Variants in PMP22 observed in about 807,000 individuals in gnomAD.
PMP22 encodes peripheral myelin protein 22.
In PMP22, 2 loss-of-function variants were observed where a neutral mutation model predicts 18.9. The observed-to-expected ratio is 0.11, with a 90% CI of 0.04 to 0.33. PMP22 has a LOEUF of 0.33. PMP22 is among the 10% of genes least tolerant of loss of function. The pLI, the probability that PMP22 is intolerant of heterozygous loss-of-function variation, is 1.00. For missense variants in PMP22, 169 were observed against 202.2 expected (o/e 0.84, Z 1.00); for synonymous variants, 95 against 89.2 (o/e 1.07, Z -0.37).
At position 15,239,367 on chromosome 17, in the gene PMP22, C is replaced by T. The variant is rs1341874033; in HGVS notation, c.319+104G>A. 9 of 1,307,410 alleles carry T rather than the reference C, an allele frequency of 6.9e-6. No individual in the cohort carries two copies. The South Asian group carries it at 1.1e-4, about 15-fold the overall frequency. The allele number at this position is 1,307,410 out of a possible 1,614,324, so 81.0% of individuals were successfully genotyped here. On this transcript the variant is annotated intron_variant, in intron 4 of 4. Coordinates refer to ENST00000312280, the MANE Select transcript of PMP22 (RefSeq NM_000304.4). ...ATGGAAAGCATCCAGTGGGGAGACT[C>T]ATGAACATCAGTCATTCTGAGGCCA...
chr17:15,257,342 C>G (rs7212770), intron 3 of PMP22, among the ~76,000 whole-genome samples: 14,014 of 152,252 alleles, frequency 0.092, 2,054 homozygotes, highest in African/African-American at 0.31. Context: ...TTAGCAACTC[C>G]TCTGCCGCCT....
chr17:15,257,090 A>T (rs1908900600), intron 3 of PMP22, among the ~76,000 whole-genome samples: 7 of 152,212 alleles, frequency 4.6e-5, no homozygotes. Flanking sequence ...GAAAGCAACG[A>T]GGCAGATTTG....
At chr17:15,247,039 C>T (rs1358509047) in intron 3 of PMP22, among the ~76,000 whole-genome samples, 2 of 141,906 alleles carry the variant, frequency 1.4e-5, no homozygotes, top group African/African-American at 5.4e-5. Flanking sequence ...CACTGCACTC[C>T]AGCCTGGAAA....
intron 3 of PMP22, among the ~76,000 whole-genome samples, chr17:15,247,332 G>A (rs1317991545): frequency 6.6e-6 from 1 of 152,208 alleles, no homozygotes; most frequent in Non-Finnish European, 1.5e-5. Flanking sequence ...TGGCGCCACT[G>A]CACTCCAGCC....
chr17:15,233,877 G>T (rs2150668514), intron 4 of PMP22, among the ~76,000 whole-genome samples: 1 of 152,308 alleles, frequency 6.6e-6, no homozygotes, highest in Non-Finnish European at 1.5e-5. Context: ...CATATAATAG[G>T]CTGATTAGCT....
chr17:15,239,213 T>C, intron 4 of PMP22: 1 of 610,184 alleles, frequency 1.6e-6, no homozygotes, highest in Non-Finnish European at 2.9e-6. Flanking sequence ...GGTGGGGACC[T>C]TCCTTCCAGA....
Position 15,259,039 on chromosome 17 carries a change from G to C in PMP22, c.178+55C>G, listed in dbSNP as rs1909067895. Reference sequence around the variant, plus strand: ...ATAAGCGTTTCCAGCTCTGGGCTGAGAAACGTGTTACAGGCGTCTGAGGAC... The same window carrying C: ...ATAAGCGTTTCCAGCTCTGGGCTGACAAACGTGTTACAGGCGTCTGAGGAC... On this transcript the variant is annotated intron_variant, in intron 3 of 4. Coordinates refer to ENST00000312280, the MANE Select transcript of PMP22 (RefSeq NM_000304.4). 37 of 1,294,712 alleles carry C rather than the reference G, an allele frequency of 2.9e-5. No individual in the cohort carries two copies. In the South Asian group the frequency reaches 4.0e-4, roughly 14 times the overall value. 80.2% of individuals were successfully genotyped at this position (1,294,712 alleles called of 1,614,324 possible).
At chr17:15,256,785 C>T (rs1404006920) in intron 3 of PMP22, among the ~76,000 whole-genome samples, 1 of 152,150 alleles carries the variant, frequency 6.6e-6, no homozygotes, top group East Asian at 1.9e-4. Context: ...AAAAAGTACA[C>T]ATTTTTTTCA....
At chr17:15,253,622 G>T (rs962268961) in intron 3 of PMP22, among the ~76,000 whole-genome samples, 30 of 151,934 alleles carry the variant, frequency 2.0e-4, no homozygotes, top group African/African-American at 7.3e-4. Flanking sequence ...GGGGTGGGGG[G>T]TACCTTTGAG....
At chr17:15,246,920 A>G (rs139224687) in intron 3 of PMP22, among the ~76,000 whole-genome samples, 2,698 of 151,654 alleles carry the variant, frequency 0.018, 73 homozygotes, top group African/African-American at 0.06. Context: ...AAATACAAAA[A>G]TTAGCTGGGT....
chr17:15,242,521 A>C (rs984636242), intron 3 of PMP22, among the ~76,000 whole-genome samples: 1 of 152,194 alleles, frequency 6.6e-6, no homozygotes, highest in African/African-American at 2.4e-5. Flanking sequence ...TCTATGACTG[A>C]AGAAAATAAA....
chr17:15,264,718 T>C (rs1909595354), intron 1 of PMP22, among the ~76,000 whole-genome samples: 1 of 152,120 alleles, frequency 6.6e-6, no homozygotes, highest in Non-Finnish European at 1.5e-5. Flanking sequence ...CCTGCCTGGT[T>C]CTCAATGGTG....
chr17:15,251,062 G>A (rs1407128753), intron 3 of PMP22, among the ~76,000 whole-genome samples: 1 of 152,096 alleles, frequency 6.6e-6, no homozygotes, highest in Non-Finnish European at 1.5e-5. Context: ...AGGCACCAGC[G>A]ATCCTGCTCC....
intron 4 of PMP22, among the ~76,000 whole-genome samples, chr17:15,238,999 G>A (rs6502439): frequency 0.24 from 35,968 of 152,090 alleles, 7,823 homozygotes; most frequent in African/African-American, 0.57. Context: ...TGTCAGTGTG[G>A]CTTCATCACT....
intron 3 of PMP22, among the ~76,000 whole-genome samples, chr17:15,240,169 C>T (rs1408650352): frequency 6.6e-6 from 1 of 152,198 alleles, no homozygotes; most frequent in Non-Finnish European, 1.5e-5. Context: ...GCCCTGCCTA[C>T]TACCTTCCCT....
At chr17:15,246,183 G>A (rs1907799670) in intron 3 of PMP22, among the ~76,000 whole-genome samples, 1 of 152,162 alleles carries the variant, frequency 6.6e-6, no homozygotes, top group Non-Finnish European at 1.5e-5. Context: ...GCAAATATCT[G>A]CACAGATAGC....
In PMP22 at chr17:15,258,671, C is replaced by G. The variant is rs959661041; in HGVS notation, c.178+423G>C. The G allele has an allele frequency of 1.3e-5, 4 of 297,076 alleles. No individual in the cohort carries two copies. The highest frequency in any genetic ancestry group is 2.6e-5 in the Non-Finnish European group (4 of 151,002). The allele number at this position is 297,076 out of a possible 1,614,324, so 18.4% of individuals were successfully genotyped here. Reference sequence around the variant, plus strand: ...TAACTGACGGTGCAGTGAGCTAGCCCCACTGTCACTGCAGCAGAAAGGGGC... The same window carrying G: ...TAACTGACGGTGCAGTGAGCTAGCCGCACTGTCACTGCAGCAGAAAGGGGC... On this transcript the variant is annotated intron_variant, in intron 3 of 4. Coordinates refer to ENST00000312280, the MANE Select transcript of PMP22 (RefSeq NM_000304.4). The surrounding 1 kb of genome is among the most constrained non-coding windows in gnomAD (Gnocchi z 4.1).
At chr17:15,260,536 C>T in intron 2 of PMP22, 114 bp downstream of exon 2, 1 of 915,038 alleles carries the variant, frequency 1.1e-6, no homozygotes, top group Non-Finnish European at 1.7e-6. Context: ...CCTGGGACGT[C>T]TGAGACTTCC....
chr17:15,239,737 G>A, intron 3 of PMP22, 126 bp from the exon 4 acceptor site: 1 of 857,120 alleles, frequency 1.2e-6, no homozygotes, highest in Non-Finnish European at 1.9e-6. Flanking sequence ...AGAAGCAGAA[G>A]TCCTTTTTCC....
Sources: allele counts gnomAD v4.1 joint callset (sites outside exome capture counted in the v4.1 genomes callset), GRCh38; gene constraint gnomAD v4.1.1; non-coding constraint Gnocchi (gnomAD v3.1); transcripts MANE v1.5; gene names NCBI Gene and HGNC (gene_info 2026-07-23, HGNC 2026-07-21).